The following DYNC2I1 variants were observed in gnomAD, a reference collection of about 807,000 sequenced individuals.
DYNC2I1 encodes the protein dynein 2 intermediate chain 1.
Under a neutral mutation model 133.4 loss-of-function variants are expected in DYNC2I1, and 89 were observed. The observed-to-expected ratio is 0.67, with a 90% CI of 0.56 to 0.80. The LOEUF (loss-of-function observed/expected upper bound fraction) is 0.80, where lower values mean the gene tolerates loss of function less well. Among genes scored for constraint, DYNC2I1 ranks in the 30% least tolerant of loss-of-function variants. The pLI is 0.00. For missense variants in DYNC2I1, 1,291 were observed against 1,314.5 expected, an observed-to-expected ratio of 0.98 and a Z score of 0.28; for synonymous variants, 504 against 484.3, an observed-to-expected ratio of 1.04 and a Z score of -0.54.
intron 1 of DYNC2I1, among the ~76,000 whole-genome samples, chr7:158,868,371 A>G (rs1384787913): frequency 1.3e-5 from 2 of 152,226 alleles, no homozygotes; most frequent in African/African-American, 4.8e-5. Context: ...TGGGTGACAC[A>G]GAGGACTAAG....
chr7:158,845,238 G>A, the DYNC2I1 span, among the ~76,000 whole-genome samples: 1 of 151,302 alleles, frequency 6.6e-6, no homozygotes, highest in East Asian at 1.9e-4. Context: ...ATTTTTTTTT[G>A]TATGGTGAGT....
chr7:158,914,922 A>G (rs891744714), intron 14 of DYNC2I1, among the ~76,000 whole-genome samples: 1 of 152,250 alleles, frequency 6.6e-6, no homozygotes, highest in Non-Finnish European at 1.5e-5. Flanking sequence ...AATTAGTAAT[A>G]ACTTATAATG....
At chr7:158,944,384 T>G (rs1851677335) in intron 24 of DYNC2I1, among the ~76,000 whole-genome samples, 1 of 152,198 alleles carries the variant, frequency 6.6e-6, no homozygotes, top group African/African-American at 2.4e-5. Context: ...TTTTAAAGCA[T>G]CTAGACATAG....
chr7:158,848,549 T>C, the DYNC2I1 span, among the ~76,000 whole-genome samples: 1 of 152,194 alleles, frequency 6.6e-6, no homozygotes, highest in Non-Finnish European at 1.5e-5. Flanking sequence ...GGTGGGAATC[T>C]TTAGATGGTT....
Position 158,913,061 on chromosome 7 carries a change from C to T in DYNC2I1, c.1667C>T (p.Thr556Ile). ...GAAATAGAGACCAGGGAAGTGTGGA[C>T]CCAGCACCCGGGAGAAAGTACTGTT... ...TEEIETREVW[T>I]QHPGESTVVS... The change falls in exon 13 of 25, where the codon ACC (threonine) becomes ATC (isoleucine). Residue 556 changes from threonine (T) to isoleucine (I), a missense_variant. Coordinates refer to ENST00000407559, the MANE Select transcript of DYNC2I1 (RefSeq NM_018051.5). 6.2e-7 allele frequency: 1 copy of T among 1,613,434 alleles called. No individual in the cohort carries two copies.
chr7:158,915,569 A>C (rs572314070), intron 14 of DYNC2I1, among the ~76,000 whole-genome samples: 4 of 150,706 alleles, frequency 2.7e-5, no homozygotes, highest in African/African-American at 1.0e-4. Flanking sequence ...GATGATTGTG[A>C]AACCTCGACA....
At chr7:158,869,611 T>A (rs569421170) in intron 1 of DYNC2I1, 2 of 528,212 alleles carry the variant, frequency 3.8e-6, no homozygotes, top group East Asian at 7.7e-5. Context: ...ACTTTTATTT[T>A]ATAATATTTA....
intron 8 of DYNC2I1, among the ~76,000 whole-genome samples, chr7:158,899,382 A>G (rs1846029549): frequency 6.6e-6 from 1 of 152,244 alleles, no homozygotes; most frequent in Non-Finnish European, 1.5e-5. Context: ...GTAATTGAAT[A>G]CATTTTTGCT....
chr7:158,850,822 A>C, the DYNC2I1 span, among the ~76,000 whole-genome samples: 926 of 152,290 alleles, frequency 6.1e-3, 61 homozygotes, highest in East Asian at 0.13. Flanking sequence ...AATAGTTTAC[A>C]TAGGATCTTG....
At chr7:158,888,019 C>CTTTTTTTTTTTT (rs545903783) in intron 7 of DYNC2I1, among the ~76,000 whole-genome samples, 6 of 96,598 alleles carry the variant, frequency 6.2e-5, no homozygotes, top group Non-Finnish European at 7.8e-5. Context: ...AACCATTGTC[C>CTTTTTTTTTTTT]TTTTTTTTTT....
At chr7:158,948,731 A>G (rs769341301), downstream of DYNC2I1, among the ~76,000 whole-genome samples, 2 of 152,176 alleles carry the variant, frequency 1.3e-5, no homozygotes, top group Non-Finnish European at 2.9e-5. Flanking sequence ...ACAATTATTT[A>G]CAAAATTCCA....
At chr7:158,860,665 G>GT (rs956447042) in intron 1 of DYNC2I1, among the ~76,000 whole-genome samples, 1 of 152,094 alleles carries the variant, frequency 6.6e-6, no homozygotes. Context: ...AAATTTCTAA[G>GT]TTTTTTTGTT....
chr7:158,941,591 C>A (rs577358349), intron 23 of DYNC2I1, among the ~76,000 whole-genome samples: 1 of 152,184 alleles, frequency 6.6e-6, no homozygotes, highest in African/African-American at 2.4e-5. Context: ...ACGAAAAAAA[C>A]AAAAAAGAGG....
At chr7:158,881,054 T>C (rs575053436) in intron 5 of DYNC2I1, among the ~76,000 whole-genome samples, 74 of 152,332 alleles carry the variant, frequency 4.9e-4, no homozygotes, top group Middle Eastern at 3.4e-3. Context: ...GCCACTGCAG[T>C]GTTTACTGTA....
chr7:158,888,961 TTTC>T (rs1407716237), intron 7 of DYNC2I1, among the ~76,000 whole-genome samples: 22 of 152,176 alleles, frequency 1.4e-4, no homozygotes, highest in African/African-American at 4.8e-4. Context: ...CCTACAAATA[TTTC>T]TTCTCATATA....
intron 4 of DYNC2I1, among the ~76,000 whole-genome samples, chr7:158,951,690 T>C (rs1852056537): frequency 6.6e-6 from 1 of 152,204 alleles, no homozygotes; most frequent in Admixed American, 6.5e-5. Context: ...CGGGCTCCTC[T>C]GAGTCTTCAC....
intron 17 of DYNC2I1, among the ~76,000 whole-genome samples, chr7:158,925,701 T>G (rs964006886): frequency 2.6e-5 from 4 of 152,148 alleles, no homozygotes; most frequent in African/African-American, 9.7e-5. Context: ...GTTTTGCAAA[T>G]GCCTGGATTT....
chr7:158,841,213 A>AT, the DYNC2I1 span, among the ~76,000 whole-genome samples: 20 of 54,496 alleles, frequency 3.7e-4, no homozygotes, highest in African/African-American at 1.2e-3. Context: ...ATATATATAT[A>AT]TATATATATT....
chr7:158,948,499 TG>T (rs1346507902), downstream of DYNC2I1, among the ~76,000 whole-genome samples: 1 of 152,246 alleles, frequency 6.6e-6, no homozygotes, highest in Admixed American at 6.5e-5. Flanking sequence ...CTTGCTGTGC[TG>T]GACTGAGCTC....
Sources: allele counts gnomAD v4.1 joint callset (sites outside exome capture counted in the v4.1 genomes callset), GRCh38; gene constraint gnomAD v4.1.1; transcripts MANE v1.5; gene names NCBI Gene and HGNC (gene_info 2026-07-23, HGNC 2026-07-21).